The following MARCHF8 variants were observed in gnomAD, a reference collection of about 807,000 sequenced individuals.
The protein encoded by MARCHF8 is membrane associated ring-CH-type finger 8.
MARCHF8 carries 40 observed loss-of-function variants against 51.6 expected under a neutral mutation model. The ratio of observed to expected loss-of-function variants is 0.77; its 90% CI spans 0.60 to 1.01. MARCHF8 has a LOEUF of 1.01. Among genes scored for constraint, MARCHF8 ranks in the 50% least tolerant of loss-of-function variants. The pLI, the probability that MARCHF8 is intolerant of heterozygous loss-of-function variation, is 0.00. For missense variants in MARCHF8, 685 were observed against 708.6 expected, an observed-to-expected ratio of 0.97 and a Z score of 0.38; for synonymous variants, 263 against 280.3, an observed-to-expected ratio of 0.94 and a Z score of 0.62.
chr10:45,561,900 CAAAAAAAAAA>C (rs34329041), intron 1 of MARCHF8, among the ~76,000 whole-genome samples: 2 of 41,534 alleles, frequency 4.8e-5, no homozygotes, highest in African/African-American at 1.8e-4. Context: ...GACTCCGTCT[CAAAAAAAAAA>C]AAAAAAAAAA....
chr10:45,459,240 C>T lies in MARCHF8; in HGVS notation c.1297G>A (p.Glu433Lys), dbSNP rs763903747. ...ACTGAGCACATGATCTTCCTGCGCT[C>T]GCTGGACGTCATCTGCAACTTCTCC... is the stretch of plus-strand genomic sequence containing the variant. ...KWEKLQMTSS[E>K]RRKIMCSVTF... is the part of the protein sequence containing the mutation. Residue 433 changes from glutamate (E) to lysine (K), a missense_variant, in exon 7 of 8, where the codon GAG becomes AAG. Coordinates refer to ENST00000453424, the MANE Select transcript of MARCHF8 (RefSeq NM_001282866.2). 5.0e-6 allele frequency: 8 copies of T among 1,613,830 alleles called. No homozygotes were observed. The highest frequency in any genetic ancestry group is 6.8e-6 in the Non-Finnish European group (8 of 1,179,994).
intron 1 of MARCHF8, among the ~76,000 whole-genome samples, chr10:45,569,938 G>T (rs776415964): frequency 9.9e-5 from 15 of 152,034 alleles, no homozygotes; most frequent in Non-Finnish European, 1.5e-4. Flanking sequence ...AAAGAGGATG[G>T]AAAGATAAAC....
chr10:45,563,635 C>T (rs576605192), intron 1 of MARCHF8, among the ~76,000 whole-genome samples: 3 of 152,028 alleles, frequency 2.0e-5, no homozygotes, highest in East Asian at 1.9e-4. Flanking sequence ...GAAAAGAGCA[C>T]GGAAAGTGTC....
At position 45,492,699 on chromosome 10, in the gene MARCHF8, A is replaced by C. The variant is rs530490033; in HGVS notation, c.103-3282T>G. Among the ~76,000 whole-genome samples the C allele has an allele frequency of 7.1e-4, 108 of 152,328 alleles. 1 individual carries two copies. Among genetic ancestry groups the C allele is most frequent in the Non-Finnish European group, 1.2e-3 (85 of 68,018 alleles). On this transcript the variant is annotated intron_variant, in intron 2 of 7. Coordinates refer to ENST00000453424, the MANE Select transcript of MARCHF8 (RefSeq NM_001282866.2). ...AAAGCAAGTCCCAAAACTCATTCAAATCAGTCATTCTTTCCACACTTATTT... is the reference window on the plus strand; with the variant it reads ...AAAGCAAGTCCCAAAACTCATTCAACTCAGTCATTCTTTCCACACTTATTT...
chr10:45,569,120 A>G lies in MARCHF8; in HGVS notation c.-79+25115T>C, dbSNP rs529051949. On this transcript the variant is annotated intron_variant, in intron 1 of 6. Coordinates refer to the MARCHF8 transcript ENST00000319836. Reference sequence around the variant, plus strand: ...AAAAACCACATCATAATGTTTTAAGAAAGTTTACAAATTTGTATTGGACTG... The same window carrying G: ...AAAAACCACATCATAATGTTTTAAGGAAGTTTACAAATTTGTATTGGACTG... Among the ~76,000 whole-genome samples the G allele has an allele frequency of 4.8e-4, 73 of 152,164 alleles. No individual in the cohort carries two copies. In the South Asian group the frequency reaches 0.015, roughly 32 times the overall value.
intron 1 of MARCHF8, among the ~76,000 whole-genome samples, chr10:45,561,630 G>A (rs1409350544): frequency 1.3e-5 from 2 of 151,152 alleles, no homozygotes; most frequent in Non-Finnish European, 3.0e-5. Context: ...GCCAGGCGTG[G>A]TGGCTCAAGT....
intron 2 of MARCHF8, among the ~76,000 whole-genome samples, chr10:45,513,459 G>A (rs2043567940): frequency 6.6e-6 from 1 of 152,110 alleles, no homozygotes; most frequent in Non-Finnish European, 1.5e-5. Flanking sequence ...TATGAAAACA[G>A]TGTAGAAAGA....
At chr10:45,584,979 G>A (rs1029278571) in intron 1 of MARCHF8, among the ~76,000 whole-genome samples, 5 of 152,166 alleles carry the variant, frequency 3.3e-5, no homozygotes, top group African/African-American at 1.2e-4. Context: ...CCAAATAAGT[G>A]TGGGAGTTGA....
chr10:45,552,708 C>T (rs2044209119), intron 1 of MARCHF8, among the ~76,000 whole-genome samples: 1 of 152,176 alleles, frequency 6.6e-6, no homozygotes, highest in Admixed American at 6.5e-5. Flanking sequence ...TGCTATCATT[C>T]GTCCCTAAAA....
intron 1 of MARCHF8, among the ~76,000 whole-genome samples, chr10:45,560,164 A>G (rs1201257470): frequency 6.6e-6 from 1 of 152,156 alleles, no homozygotes; most frequent in African/African-American, 2.4e-5. Flanking sequence ...AGAACCAGAA[A>G]AACGAGATAT....
chr10:45,557,708 C>T (rs2133356902), intron 1 of MARCHF8, among the ~76,000 whole-genome samples: 1 of 152,206 alleles, frequency 6.6e-6, no homozygotes, highest in African/African-American at 2.4e-5. Context: ...GGAACCAAAA[C>T]AGGAAGAGGC....
chr10:45,543,750 AT>A (rs2044083705), intron 1 of MARCHF8, among the ~76,000 whole-genome samples: 1 of 141,658 alleles, frequency 7.1e-6, no homozygotes, highest in African/African-American at 2.6e-5. Flanking sequence ...GTGAGCCAAG[AT>A]CGTGCCACTG....
At chr10:45,546,769 G>A (rs2044128012) in intron 1 of MARCHF8, among the ~76,000 whole-genome samples, 1 of 145,502 alleles carries the variant, frequency 6.9e-6, no homozygotes, top group African/African-American at 2.5e-5. Flanking sequence ...GTGACAGGAG[G>A]AGAACCTGTC....
At chr10:45,509,367 C>T (rs61854113) in intron 2 of MARCHF8, among the ~76,000 whole-genome samples, 18,920 of 152,194 alleles carry the variant, frequency 0.12, 1,380 homozygotes, top group Non-Finnish European at 0.16. Context: ...CTATCTATAA[C>T]TCATAACTTA....
chr10:45,578,641 G>A (rs1325926080), intron 1 of MARCHF8, among the ~76,000 whole-genome samples: 1 of 152,160 alleles, frequency 6.6e-6, no homozygotes, highest in Non-Finnish European at 1.5e-5. Flanking sequence ...GAGAAAAACA[G>A]TATCATGGCA....
intron 2 of MARCHF8, among the ~76,000 whole-genome samples, chr10:45,529,131 C>T (rs1185563771): frequency 6.6e-6 from 1 of 152,184 alleles, no homozygotes; most frequent in African/African-American, 2.4e-5. Context: ...AATGAAACAG[C>T]TTACAGAACC....
At chr10:45,581,506 GTAAT>G (rs781145039) in intron 1 of MARCHF8, among the ~76,000 whole-genome samples, 4 of 152,186 alleles carry the variant, frequency 2.6e-5, no homozygotes, top group South Asian at 2.1e-4. Context: ...TGAGGGCATT[GTAAT>G]TAATTAATTA....
At chr10:45,587,980 G>A (rs543984711) in intron 1 of MARCHF8, among the ~76,000 whole-genome samples, 17 of 152,188 alleles carry the variant, frequency 1.1e-4, no homozygotes, top group Non-Finnish European at 2.4e-4. Context: ...ATAAAGGAAA[G>A]TAAAGAACCT....
At chr10:45,461,696 A>G (rs560482160) in intron 5 of MARCHF8, 3 of 258,134 alleles carry the variant, frequency 1.2e-5, no homozygotes, top group South Asian at 1.7e-4. Flanking sequence ...TAAGAACTTC[A>G]CTGAAAGATG....
Sources: allele counts gnomAD v4.1 joint callset (sites outside exome capture counted in the v4.1 genomes callset), GRCh38; gene constraint gnomAD v4.1.1; transcripts MANE v1.5; gene names NCBI Gene and HGNC (gene_info 2026-07-23, HGNC 2026-07-21).